KIF6: variants seen among roughly 807,000 people sequenced by gnomAD.
The protein encoded by KIF6 is kinesin family member 6, also known as kinesin-like protein KIF6.
A neutral mutation model predicts 112.7 loss-of-function variants in KIF6; 106 were observed. That is an observed-to-expected ratio of 0.94 (90% confidence interval 0.80 to 1.11). The LOEUF (loss-of-function observed/expected upper bound fraction) is 1.11, where lower values mean the gene tolerates loss of function less well. Among genes scored for constraint, KIF6 ranks in the 50% least tolerant of loss-of-function variants. The pLI, the probability that KIF6 is intolerant of heterozygous loss-of-function variation, is 0.00. For synonymous variants in KIF6, 339 were observed against 339.9 expected, an observed-to-expected ratio of 1.00 and a Z score of 0.03; for missense variants, 929 against 964.0, an observed-to-expected ratio of 0.96 and a Z score of 0.48.
chr6:39,370,656 G>A (rs745997380), intron 16 of KIF6, among the ~76,000 whole-genome samples: 2 of 152,162 alleles, frequency 1.3e-5, no homozygotes, highest in Non-Finnish European at 2.9e-5. Context: ...ATAAATGTTT[G>A]ACAAGAATTC....
At chr6:39,588,199 C>T (rs190145673) in intron 7 of KIF6, among the ~76,000 whole-genome samples, 404 of 152,184 alleles carry the variant, frequency 2.7e-3, no homozygotes, top group Non-Finnish European at 4.4e-3. Context: ...AATCACCTGG[C>T]TTTAATTATT....
chr6:39,578,231 G>A (rs2150638996), intron 9 of KIF6, 72 bp from the exon 10 acceptor site: 4 of 972,182 alleles, frequency 4.1e-6, no homozygotes, highest in Non-Finnish European at 6.6e-6. Context: ...AGAACATACA[G>A]CTCTTAAAAT....
intron 15 of KIF6, among the ~76,000 whole-genome samples, chr6:39,408,823 T>A (rs1190619252): frequency 6.6e-6 from 1 of 152,150 alleles, no homozygotes; most frequent in African/African-American, 2.4e-5. Context: ...AATGTACCCA[T>A]GAATCACTTA....
intron 3 of KIF6, among the ~76,000 whole-genome samples, chr6:39,695,271 A>G (rs1788458519): frequency 6.6e-6 from 1 of 152,158 alleles, no homozygotes; most frequent in Admixed American, 6.6e-5. Context: ...GGAATTTATA[A>G]CTTAAGTTCT....
At chr6:39,539,492 C>T (rs1778656830) in intron 13 of KIF6, among the ~76,000 whole-genome samples, 1 of 152,010 alleles carries the variant, frequency 6.6e-6, no homozygotes, top group Non-Finnish European at 1.5e-5. Flanking sequence ...TACAGGCGCG[C>T]ACCACCACGC....
intron 10 of KIF6, among the ~76,000 whole-genome samples, chr6:39,553,186 A>G (rs1779486589): frequency 6.6e-6 from 1 of 152,190 alleles, no homozygotes; most frequent in African/African-American, 2.4e-5. Flanking sequence ...CTTACATGCA[A>G]GGAATTGAGT....
intron 13 of KIF6, among the ~76,000 whole-genome samples, chr6:39,474,565 G>T (rs1249125497): frequency 6.6e-6 from 1 of 152,206 alleles, no homozygotes; most frequent in African/African-American, 2.4e-5. Flanking sequence ...CAGAATGCCA[G>T]ACTCAAATAT....
At chr6:39,690,709 C>T (rs1370657899) in intron 3 of KIF6, 14 of 152,314 alleles carry the variant, frequency 9.2e-5, no homozygotes, top group Admixed American at 9.2e-4. Context: ...CTAGGAGTGT[C>T]AAGCATAATA....
Position 39,357,282 on chromosome 6 carries a change from G to A in KIF6, c.2175C>T (p.Asn725=), listed in dbSNP as rs759949178. 6.2e-7 allele frequency: 1 copy of A among 1,610,092 alleles called. No homozygotes were observed. Among genetic ancestry groups the A allele is most frequent in the Non-Finnish European group, 8.5e-7 (1 of 1,176,822 alleles). The change falls in exon 19 of 23, where the codon AAC becomes AAT. Residue 725 remains asparagine, a synonymous_variant. Transcript: ENST00000287152. Reference sequence around the variant, plus strand: ...CCGGTGAGTTCTCACCTTACCTTTTGTTAGAGAGGAGTTGGGACCATTCAT... The same window carrying A: ...CCGGTGAGTTCTCACCTTACCTTTTATTAGAGAGGAGTTGGGACCATTCAT... The part of the protein sequence containing the change: ...SQHEWSQLLS[N]KSSGGWEVQD...
intron 13 of KIF6, among the ~76,000 whole-genome samples, chr6:39,469,119 T>C (rs565395231): frequency 3.3e-5 from 5 of 152,190 alleles, no homozygotes; most frequent in African/African-American, 2.4e-5. Context: ...TAGATTCTGA[T>C]AGAGCTGAGA....
At chr6:39,376,396 TC>T (rs1356390064) in intron 16 of KIF6, among the ~76,000 whole-genome samples, 3 of 152,186 alleles carry the variant, frequency 2.0e-5, no homozygotes, top group Non-Finnish European at 4.4e-5. Context: ...TAGAGATTCA[TC>T]TGTTCATTCA....
At position 39,586,312 on chromosome 6, in the gene KIF6, G is replaced by A; in HGVS notation, c.939C>T (p.Asn313=). The change falls in exon 8 of 23, where the codon AAC becomes AAT. Residue 313 remains asparagine (N), a synonymous_variant. Coordinates refer to ENST00000287152, the MANE Select transcript of KIF6 (RefSeq NM_145027.6). The part of the protein sequence containing the change: ...TSVLRDSLGG[N]CMTTMIATLS... ...GTGTTGCAATCATAGTTGTCATGCAGTTCCCTCCCAAACTGTCTCTTAGGA... is the reference window on the plus strand; with the variant it reads ...GTGTTGCAATCATAGTTGTCATGCAATTCCCTCCCAAACTGTCTCTTAGGA... The A allele has an allele frequency of 1.9e-6, 3 of 1,614,080 alleles. No individual in the cohort carries two copies. The highest frequency in any genetic ancestry group is 2.2e-5 in the South Asian group (2 of 91,078).
At chr6:39,680,340 G>C (rs1787442018) in intron 3 of KIF6, among the ~76,000 whole-genome samples, 1 of 152,184 alleles carries the variant, frequency 6.6e-6, no homozygotes, top group African/African-American at 2.4e-5. Flanking sequence ...AAAACTATCA[G>C]CTTCTTAAGA....
chr6:39,558,817 G>C (rs961358713), intron 10 of KIF6, among the ~76,000 whole-genome samples: 3 of 152,082 alleles, frequency 2.0e-5, no homozygotes, highest in Non-Finnish European at 2.9e-5. Context: ...ATTTGCTTTT[G>C]CTTTTCATTC....
At chr6:39,676,415 C>T (rs1787143300) in intron 3 of KIF6, among the ~76,000 whole-genome samples, 1 of 152,064 alleles carries the variant, frequency 6.6e-6, no homozygotes, top group African/African-American at 2.4e-5. Flanking sequence ...AAGAGTTAAT[C>T]ATTAATAGAC....
chr6:39,418,970 C>T (rs1003904415), intron 15 of KIF6, among the ~76,000 whole-genome samples: 6 of 152,018 alleles, frequency 3.9e-5, no homozygotes, highest in South Asian at 2.1e-4. Context: ...GCACAGGGAT[C>T]GCCTCTGTGA....
At chr6:39,445,284 C>T (rs572339673) in intron 13 of KIF6, among the ~76,000 whole-genome samples, 1 of 152,190 alleles carries the variant, frequency 6.6e-6, no homozygotes, top group Non-Finnish European at 1.5e-5. Context: ...AAGAAACTCC[C>T]ATCCCCCAGT....
chr6:39,676,847 G>T (rs977804195), intron 3 of KIF6, among the ~76,000 whole-genome samples: 2 of 151,784 alleles, frequency 1.3e-5, no homozygotes, highest in African/African-American at 4.8e-5. Context: ...AAAGAAAAAG[G>T]CACAGAAAAA....
chr6:39,403,422 T>C (rs1016974190), intron 15 of KIF6, among the ~76,000 whole-genome samples: 6 of 152,336 alleles, frequency 3.9e-5, no homozygotes, highest in Admixed American at 2.0e-4. Flanking sequence ...GGAGGCTTTA[T>C]GAGACTGGCT....
Sources: allele counts gnomAD v4.1 joint callset (sites outside exome capture counted in the v4.1 genomes callset), GRCh38; gene constraint gnomAD v4.1.1; transcripts MANE v1.5; gene names NCBI Gene and HGNC (gene_info 2026-07-23, HGNC 2026-07-21).